Variants in ADCY2 observed in about 807,000 individuals in gnomAD.
ADCY2 encodes adenylate cyclase 2, also known as adenylate cyclase type 2.
Under a neutral mutation model 125.2 loss-of-function variants are expected in ADCY2, and 31 were observed. That is an observed-to-expected ratio of 0.25 (90% CI 0.19 to 0.33). ADCY2 has a LOEUF of 0.33. Ranked by LOEUF, ADCY2 falls within the 10% of genes least tolerant of loss-of-function variation. The pLI is 1.00. For synonymous variants in ADCY2, 512 were observed against 548.4 expected (o/e 0.93, Z 0.93); for missense variants, 904 against 1,418.2 (o/e 0.64, Z 5.82).
At chr5:7,464,951 T>A (rs997430516) in intron 2 of ADCY2, among the ~76,000 whole-genome samples, 2 of 152,158 alleles carry the variant, frequency 1.3e-5, no homozygotes, top group Non-Finnish European at 2.9e-5. Context: ...TATGGAGGCC[T>A]CACCATCATG....
At chr5:7,462,578 A>G (rs544987753) in intron 2 of ADCY2, among the ~76,000 whole-genome samples, 18 of 152,374 alleles carry the variant, frequency 1.2e-4, no homozygotes, top group Non-Finnish European at 2.1e-4. Flanking sequence ...ATTTTATTAG[A>G]GAAAACTTTT....
chr5:7,587,557 T>G (rs1255965947), intron 3 of ADCY2, among the ~76,000 whole-genome samples: 2 of 152,188 alleles, frequency 1.3e-5, no homozygotes, highest in Non-Finnish European at 2.9e-5. Context: ...TCCTGTACCT[T>G]CTAGGGAACA....
At chr5:7,742,124 T>C (rs1742456015) in intron 14 of ADCY2, among the ~76,000 whole-genome samples, 1 of 119,068 alleles carries the variant, frequency 8.4e-6, no homozygotes, top group East Asian at 2.2e-4. Context: ...GAGAGCATAG[T>C]GCCCAAAAAA....
At chr5:7,814,020 G>C (rs1313080908) in intron 22 of ADCY2, among the ~76,000 whole-genome samples, 1 of 136,180 alleles carries the variant, frequency 7.3e-6, no homozygotes, top group East Asian at 2.0e-4. Context: ...TAAGTCGTGA[G>C]ACAAAAAAAA....
chr5:7,398,354 C>T (rs924185056), intron 1 of ADCY2, among the ~76,000 whole-genome samples: 6 of 152,180 alleles, frequency 3.9e-5, no homozygotes, highest in Admixed American at 3.3e-4. Flanking sequence ...GCTTAAAGCA[C>T]CCTTCTTTGA....
chr5:7,781,678 G>C (rs1463103786), intron 18 of ADCY2, among the ~76,000 whole-genome samples: 1 of 152,194 alleles, frequency 6.6e-6, no homozygotes, highest in African/African-American at 2.4e-5. Context: ...GTTATTTTAA[G>C]TCACCTAGTT....
chr5:7,678,064 A>G (rs1740196258), intron 4 of ADCY2, among the ~76,000 whole-genome samples: 1 of 152,228 alleles, frequency 6.6e-6, no homozygotes, highest in Admixed American at 6.5e-5. Context: ...GTTTATGCTA[A>G]TGTACTTATT....
intron 4 of ADCY2, among the ~76,000 whole-genome samples, chr5:7,661,715 G>A (rs547051905): frequency 6.6e-6 from 1 of 152,256 alleles, no homozygotes; most frequent in East Asian, 1.9e-4. Flanking sequence ...CATCTGTCCT[G>A]ATGTCAATCA....
At chr5:7,729,191 T>A (rs1409836137) in intron 14 of ADCY2, among the ~76,000 whole-genome samples, 2 of 152,154 alleles carry the variant, frequency 1.3e-5, no homozygotes, top group Non-Finnish European at 2.9e-5. Context: ...AATATCTTCA[T>A]TTTTTTCTTT....
At chr5:7,491,504 TCCCTGG>T (rs1487697323) in intron 2 of ADCY2, among the ~76,000 whole-genome samples, 1 of 152,206 alleles carries the variant, frequency 6.6e-6, no homozygotes, top group Non-Finnish European at 1.5e-5. Context: ...ATAAAATTGA[TCCCTGG>T]TGAATCTCAT....
At chr5:7,805,437 T>A (rs1447322044) in intron 22 of ADCY2, among the ~76,000 whole-genome samples, 1 of 152,018 alleles carries the variant, frequency 6.6e-6, no homozygotes, top group Non-Finnish European at 1.5e-5. Context: ...GTTTTCGAGA[T>A]TTTCTCGTGT....
chr5:7,460,522 G>C (rs2126438252), intron 2 of ADCY2, among the ~76,000 whole-genome samples: 1 of 152,198 alleles, frequency 6.6e-6, no homozygotes, highest in South Asian at 2.1e-4. Context: ...TAAAACTCTT[G>C]AGTTATGATC....
At chr5:7,742,777 A>T (rs763492198) in intron 14 of ADCY2, among the ~76,000 whole-genome samples, 2 of 151,982 alleles carry the variant, frequency 1.3e-5, no homozygotes, top group Non-Finnish European at 2.9e-5. Context: ...TTGTTTCTGG[A>T]TGTTACTCCT....
At chr5:7,664,502 T>C (rs558941363) in intron 4 of ADCY2, among the ~76,000 whole-genome samples, 2 of 152,172 alleles carry the variant, frequency 1.3e-5, no homozygotes, top group East Asian at 3.9e-4. Flanking sequence ...TCTTGCCCAA[T>C]TTCCTATCTA....
At chr5:7,539,403 C>T (rs1054880971) in intron 3 of ADCY2, among the ~76,000 whole-genome samples, 1 of 151,796 alleles carries the variant, frequency 6.6e-6, no homozygotes, top group African/African-American at 2.4e-5. Flanking sequence ...TACTAGGAAA[C>T]CTGTGTTCTT....
At chr5:7,437,570 G>A (rs543459484) in intron 2 of ADCY2, among the ~76,000 whole-genome samples, 96 of 152,356 alleles carry the variant, frequency 6.3e-4, no homozygotes, top group African/African-American at 2.2e-3. Context: ...AGAGGGATGT[G>A]GGAGATTTGC....
chr5:7,600,592 G>A (rs1737166873), intron 3 of ADCY2, among the ~76,000 whole-genome samples: 1 of 152,190 alleles, frequency 6.6e-6, no homozygotes, highest in Non-Finnish European at 1.5e-5. Flanking sequence ...AAAGCATGCT[G>A]AGATTGGAGA....
intron 14 of ADCY2, among the ~76,000 whole-genome samples, chr5:7,735,732 T>C (rs1043499883): frequency 2.0e-5 from 3 of 152,188 alleles, no homozygotes; most frequent in Non-Finnish European, 4.4e-5. Context: ...TTGACTAATA[T>C]TTTGTTAAGG....
chr5:7,407,127 G>C (rs1266155713), intron 1 of ADCY2, among the ~76,000 whole-genome samples: 2 of 152,222 alleles, frequency 1.3e-5, no homozygotes, highest in Non-Finnish European at 2.9e-5. Context: ...CATGGTGACT[G>C]TGTGGCCCAT....
Sources: allele counts gnomAD v4.1 joint callset (sites outside exome capture counted in the v4.1 genomes callset), GRCh38; gene constraint gnomAD v4.1.1; transcripts MANE v1.5; gene names NCBI Gene and HGNC (gene_info 2026-07-23, HGNC 2026-07-21).